The following DAB1 variants were observed in gnomAD, a reference collection of about 807,000 sequenced individuals.
The protein encoded by DAB1 is DAB adaptor protein 1, also known as disabled homolog 1.
A neutral mutation model predicts 64.6 loss-of-function variants in DAB1; 15 were observed. The ratio of observed to expected loss-of-function variants is 0.23; its 90% confidence interval spans 0.16 to 0.36. The LOEUF (loss-of-function observed/expected upper bound fraction) is 0.36. Ranked by LOEUF, DAB1 falls within the 10% of genes least tolerant of loss-of-function variation. The pLI, the probability that DAB1 is intolerant of heterozygous loss-of-function variation, is 1.00. For missense variants in DAB1, 596 were observed against 706.7 expected (o/e 0.84, Z 1.78); for synonymous variants, 235 against 251.9 (o/e 0.93, Z 0.64).
At chr1:58,268,976 A>AT (rs923441047) in intron 4 of DAB1, among the ~76,000 whole-genome samples, 11 of 149,562 alleles carry the variant, frequency 7.4e-5, no homozygotes, top group South Asian at 4.3e-4. Flanking sequence ...CATTCAAATG[A>AT]TTTTTTTTTC....
At chr1:58,038,159 A>G (rs1218871633) in intron 5 of DAB1, among the ~76,000 whole-genome samples, 1 of 152,198 alleles carries the variant, frequency 6.6e-6, no homozygotes, top group Admixed American at 6.5e-5. Context: ...AAAAACCAAA[A>G]TGAGGAGACC....
chr1:57,704,069 G>A (rs1218891605), intron 6 of DAB1, among the ~76,000 whole-genome samples: 1 of 152,040 alleles, frequency 6.6e-6, no homozygotes, highest in African/African-American at 2.4e-5. Flanking sequence ...AGAGGATCAG[G>A]AAAAATAACT....
intron 2 of DAB1, among the ~76,000 whole-genome samples, chr1:57,171,089 C>T (rs1007398443): frequency 3.9e-5 from 6 of 152,160 alleles, no homozygotes; most frequent in Admixed American, 2.0e-4. Flanking sequence ...GGATGCAGTG[C>T]TGCCAGTTCC....
At chr1:57,509,497 G>A (rs1281331715) in intron 7 of DAB1, among the ~76,000 whole-genome samples, 1 of 151,866 alleles carries the variant, frequency 6.6e-6, no homozygotes, top group Non-Finnish European at 1.5e-5. Context: ...CATTCTTGGA[G>A]ACAACCACTC....
At chr1:57,744,253 G>A (rs1395148520) in intron 6 of DAB1, among the ~76,000 whole-genome samples, 1 of 152,202 alleles carries the variant, frequency 6.6e-6, no homozygotes, top group Non-Finnish European at 1.5e-5. Flanking sequence ...AGGCTGTCAG[G>A]ATGCAGGTTT....
intron 6 of DAB1, 57 bp from the exon 7 acceptor site, chr1:57,071,118 T>C: frequency 6.8e-7 from 1 of 1,472,258 alleles, no homozygotes; most frequent in Non-Finnish European, 9.5e-7. Flanking sequence ...GGAAGAGATG[T>C]GAGACTGCAT....
chr1:57,582,222 C>T (rs1645321785), intron 7 of DAB1, among the ~76,000 whole-genome samples: 1 of 152,204 alleles, frequency 6.6e-6, no homozygotes, highest in Non-Finnish European at 1.5e-5. Context: ...AATTGACTCA[C>T]AGTTCCATGT....
chr1:58,146,752 T>G (rs753008848), intron 5 of DAB1, among the ~76,000 whole-genome samples: 26 of 151,860 alleles, frequency 1.7e-4, no homozygotes, highest in Non-Finnish European at 3.4e-4. Context: ...ATTCTATTAT[T>G]TATAATAGAA....
At chr1:58,045,622 A>ATT (rs34964730) in intron 5 of DAB1, among the ~76,000 whole-genome samples, 110 of 151,868 alleles carry the variant, frequency 7.2e-4, no homozygotes, top group African/African-American at 2.5e-3. Context: ...TGCTAGGAAT[A>ATT]TTTTTTTTCC....
At position 57,942,934 on chromosome 1, in the gene DAB1, A is replaced by C. The variant is rs12090750; in HGVS notation, n.388-58772T>G. 7.5e-3 allele frequency among the ~76,000 whole-genome samples: 1,144 copies of C among 152,314 alleles called. 10 individuals are homozygous for C. The highest frequency in any genetic ancestry group is 0.024 in the African/African-American group (979 of 41,572). On this transcript the variant is annotated intron_variant and non_coding_transcript_variant, in intron 5 of 20. Coordinates refer to the DAB1 transcript ENST00000485760. ...TGTAGTTATGGCCTATTAATTAATTAATTCATTCATTATTTACTGTCAACA... is the reference window on the plus strand; with the variant it reads ...TGTAGTTATGGCCTATTAATTAATTCATTCATTCATTATTTACTGTCAACA...
At chr1:57,980,779 C>T (rs867262925) in intron 5 of DAB1, among the ~76,000 whole-genome samples, 8 of 151,892 alleles carry the variant, frequency 5.3e-5, no homozygotes, top group Non-Finnish European at 8.8e-5. Flanking sequence ...GAAAGCAGTT[C>T]GGCAGTATGT....
At chr1:57,053,971 G>A (rs1301249178) in intron 9 of DAB1, among the ~76,000 whole-genome samples, 3 of 151,992 alleles carry the variant, frequency 2.0e-5, no homozygotes, top group Non-Finnish European at 4.4e-5. Context: ...ACAGGCATGA[G>A]CCACCGCGCC....
At chr1:57,447,858 G>A (rs1011890088) in intron 7 of DAB1, among the ~76,000 whole-genome samples, 1 of 152,130 alleles carries the variant, frequency 6.6e-6, no homozygotes, top group South Asian at 2.1e-4. Flanking sequence ...GTGGAGAGGT[G>A]CTAAGATTTG....
intron 4 of DAB1, among the ~76,000 whole-genome samples, chr1:58,248,107 A>G (rs1201525294): frequency 6.6e-6 from 1 of 152,084 alleles, no homozygotes; most frequent in Non-Finnish European, 1.5e-5. Context: ...AAATCTTGTC[A>G]AAGAGAGAGT....
At chr1:57,566,902 G>C (rs965413703) in intron 7 of DAB1, among the ~76,000 whole-genome samples, 1 of 152,126 alleles carries the variant, frequency 6.6e-6, no homozygotes. Context: ...TAGAAAAAGA[G>C]GGAATCCTCC....
chr1:57,076,485 T>C (rs1373884871), intron 4 of DAB1, among the ~76,000 whole-genome samples: 3 of 152,228 alleles, frequency 2.0e-5, no homozygotes, highest in African/African-American at 4.8e-5. Context: ...GGATAAAAGT[T>C]GTCACTAGAG....
intron 3 of DAB1, among the ~76,000 whole-genome samples, chr1:58,391,573 AGAG>A (rs1197597940): frequency 1.3e-5 from 2 of 152,206 alleles, no homozygotes; most frequent in Non-Finnish European, 2.9e-5. Context: ...GCTTTTCAAC[AGAG>A]GATACTCTCA....
intron 4 of DAB1, among the ~76,000 whole-genome samples, chr1:57,108,653 A>G (rs1557735484): frequency 6.6e-6 from 1 of 151,940 alleles, no homozygotes; most frequent in South Asian, 2.1e-4. Context: ...ATGAATATGA[A>G]CTCCCTAAGT....
chr1:57,030,811 C>A (rs1187982543), intron 9 of DAB1, among the ~76,000 whole-genome samples: 1 of 152,192 alleles, frequency 6.6e-6, no homozygotes, highest in Non-Finnish European at 1.5e-5. Context: ...GTCTTTTAGA[C>A]CCTCTTCCAA....
Sources: allele counts gnomAD v4.1 joint callset (sites outside exome capture counted in the v4.1 genomes callset), GRCh38; gene constraint gnomAD v4.1.1; transcripts MANE v1.5; gene names NCBI Gene and HGNC (gene_info 2026-07-23, HGNC 2026-07-21).